Variants in LEPR observed in about 807,000 individuals in gnomAD.
LEPR encodes leptin receptor, also known as OB receptor.
Under a neutral mutation model 114.7 loss-of-function variants are expected in LEPR, and 56 were observed. The ratio of observed to expected loss-of-function variants is 0.49; its 90% CI spans 0.39 to 0.61. The LOEUF is 0.61. Among genes scored for constraint, LEPR ranks in the 20% least tolerant of loss-of-function variants. LEPR has a pLI of 0.00. For synonymous variants in LEPR, 443 were observed against 461.4 expected, an observed-to-expected ratio of 0.96 and a Z score of 0.51; for missense variants, 1,202 against 1,352.9, an observed-to-expected ratio of 0.89 and a Z score of 1.75.
intron 2 of LEPR, among the ~76,000 whole-genome samples, chr1:65,440,626 G>A (rs1470054769): frequency 6.6e-6 from 1 of 152,170 alleles, no homozygotes; most frequent in Non-Finnish European, 1.5e-5. Context: ...GGATAAGCAA[G>A]TGCAGCGGCC....
chr1:65,462,245 G>A (rs970453820), intron 2 of LEPR, among the ~76,000 whole-genome samples: 7 of 152,094 alleles, frequency 4.6e-5, no homozygotes, highest in African/African-American at 1.7e-4. Flanking sequence ...GAGAACATGC[G>A]GTGTTTGGTT....
chr1:65,451,836 G>T (rs546311667), intron 2 of LEPR, among the ~76,000 whole-genome samples: 1 of 151,998 alleles, frequency 6.6e-6, no homozygotes, highest in East Asian at 1.9e-4. Context: ...TAGCTTGATG[G>T]GTATGGCATT....
intron 2 of LEPR, among the ~76,000 whole-genome samples, chr1:65,560,078 T>A (rs955845467): frequency 1.4e-5 from 2 of 139,034 alleles, no homozygotes; most frequent in Non-Finnish European, 3.2e-5. Context: ...TTTTTTCCAA[T>A]TCTGTGAAGA....
intron 2 of LEPR, among the ~76,000 whole-genome samples, chr1:65,472,844 A>G (rs1371530567): frequency 6.6e-6 from 1 of 152,168 alleles, no homozygotes; most frequent in Non-Finnish European, 1.5e-5. Flanking sequence ...TGGTTAGTAC[A>G]TTTTTGTAGA....
intron 2 of LEPR, chr1:65,434,040 C>G: frequency 1.0e-6 from 1 of 985,246 alleles, no homozygotes; most frequent in Non-Finnish European, 1.2e-6. Context: ...GTTTTTGTTG[C>G]TTATACACAT....
At chr1:65,556,486 G>T (rs891800844) in intron 2 of LEPR, among the ~76,000 whole-genome samples, 2 of 152,034 alleles carry the variant, frequency 1.3e-5, no homozygotes, top group Non-Finnish European at 2.9e-5. Flanking sequence ...TCAAGGGATT[G>T]TTAACCCCTT....
Position 65,601,503 on chromosome 1 carries a change from G to C in LEPR, c.1106G>C (p.Trp369Ser), listed in dbSNP as rs1315188201. ...KIVPSKEIVW[W>S]MNLAEKIPQS... ...GTTCCCTCAAAAGAGATTGTTTGGT[G>C]GATGAATTTAGCTGAGAAAATTCCT... Residue 369 changes from tryptophan to serine, a missense_variant, in exon 9 of 20, where the codon TGG becomes TCG. Trp to Ser is a radical substitution (Grantham distance 177). Transcript: ENST00000349533. 1.2e-6 allele frequency: 2 copies of C among 1,613,604 alleles called. No individual in the cohort carries two copies. The highest frequency in any genetic ancestry group is 3.3e-5 in the Admixed American group (2 of 59,986).
chr1:65,598,871 A>G (rs1656256791), intron 8 of LEPR, 67 bp downstream of exon 8: 2 of 1,606,946 alleles, frequency 1.2e-6, no homozygotes, highest in South Asian at 1.1e-5. Context: ...TTTGTATAGT[A>G]TAAGCATCTT....
chr1:65,429,148 G>T lies in LEPR; in HGVS notation c.-21+3770G>T, dbSNP rs141809520. On this transcript the variant is annotated intron_variant, in intron 2 of 19. Transcript: ENST00000349533. ...GTGGTATGTTCGAGGGTGACCTGGG[G>T]TACATTAGAATAGATGACCAGGGAA... Among the ~76,000 whole-genome samples, 128 of 152,240 alleles carry T rather than the reference G, an allele frequency of 8.4e-4. 2 individuals are homozygous for T. The highest frequency in any genetic ancestry group is 3.1e-3 in the African/African-American group (127 of 41,552).
rs747471885 is a variant in LEPR, at chr1:65,572,489, G to A, written c.494+40G>A. The A allele has an allele frequency of 1.2e-5, 18 of 1,547,534 alleles. No homozygotes were observed. The South Asian group carries it at 1.8e-4, about 16-fold the overall frequency. On this transcript the variant is annotated intron_variant, in intron 5 of 19. Transcript: ENST00000349533. ...ATTAATTTGGCATTTCTAATACACA[G>A]TTTTTTTAAAAGAGCTTTCATATAC...
intron 19 of LEPR, chr1:65,634,871 T>G: frequency 3.4e-6 from 3 of 873,050 alleles, no homozygotes; most frequent in Non-Finnish European, 4.1e-6. Flanking sequence ...ACCATAGATT[T>G]CTTTCAGAAA....
intron 2 of LEPR, among the ~76,000 whole-genome samples, chr1:65,530,738 T>C (rs1462307349): frequency 6.6e-6 from 1 of 152,162 alleles, no homozygotes; most frequent in Non-Finnish European, 1.5e-5. Flanking sequence ...CTGTATCTTG[T>C]CCTGACCTCC....
chr1:65,508,223 T>C (rs774460651), intron 2 of LEPR, among the ~76,000 whole-genome samples: 3 of 152,216 alleles, frequency 2.0e-5, no homozygotes, highest in Non-Finnish European at 4.4e-5. Context: ...TTGCTTTTAT[T>C]GCCTGTGGTT....
intron 2 of LEPR, among the ~76,000 whole-genome samples, chr1:65,477,023 C>G (rs191756346): frequency 6.8e-4 from 103 of 152,232 alleles, no homozygotes; most frequent in African/African-American, 2.4e-3. Flanking sequence ...AGAAAATTGC[C>G]GCAAATATCT....
At chr1:65,526,559 C>A in intron 2 of LEPR, 1 of 258,168 alleles carries the variant, frequency 3.9e-6, no homozygotes, top group Non-Finnish European at 6.1e-6. Flanking sequence ...TGAAGGGTGG[C>A]CTGGGGTGTC....
At chr1:65,553,268 C>T (rs974590863) in intron 2 of LEPR, among the ~76,000 whole-genome samples, 1 of 152,172 alleles carries the variant, frequency 6.6e-6, no homozygotes, top group Admixed American at 6.5e-5. Flanking sequence ...GCCTGTCTTA[C>T]TAGGTTGGGG....
chr1:65,537,171 G>A (rs1020589847), intron 2 of LEPR, among the ~76,000 whole-genome samples: 1 of 152,142 alleles, frequency 6.6e-6, no homozygotes, highest in Non-Finnish European at 1.5e-5. Context: ...ATTTCCTGTA[G>A]TTCAACTAAA....
chr1:65,456,568 T>C (rs1363287547), intron 2 of LEPR, among the ~76,000 whole-genome samples: 2 of 152,202 alleles, frequency 1.3e-5, no homozygotes, highest in Non-Finnish European at 2.9e-5. Context: ...GTAATGCCCC[T>C]CTTTGTCCCT....
Position 65,639,428 on chromosome 1 carries a change from A to G in LEPR, c.*2413A>G, listed in dbSNP as rs893147679. ...TCAATGGGCTTGAATTCTGATTTCCACTTTTGAAAGTTTATTTCACTATGT... is the reference window on the plus strand; with the variant it reads ...TCAATGGGCTTGAATTCTGATTTCCGCTTTTGAAAGTTTATTTCACTATGT... On this transcript the variant is annotated 3_prime_UTR_variant, in exon 20 of 20. Transcript: ENST00000349533. 6.6e-6 allele frequency: 1 copy of G among 152,154 alleles called. No homozygotes were observed. Among genetic ancestry groups the G allele is most frequent in the Non-Finnish European group, 1.5e-5 (1 of 68,034 alleles). 9.4% of individuals were successfully genotyped at this position (152,154 alleles called of 1,614,324 possible). A position where few individuals can be genotyped will look rare whatever the true frequency, so the allele number is the denominator to read the frequency against.
Sources: allele counts gnomAD v4.1 joint callset (sites outside exome capture counted in the v4.1 genomes callset), GRCh38; gene constraint gnomAD v4.1.1; transcripts MANE v1.5; gene names NCBI Gene and HGNC (gene_info 2026-07-23, HGNC 2026-07-21).